PROX2: variants seen among roughly 807,000 people sequenced by gnomAD.
PROX2 encodes the protein prospero homeobox 2, also known as prospero homeobox protein 2.
Under a neutral mutation model 48.9 loss-of-function variants are expected in PROX2, and 46 were observed. The observed-to-expected ratio is 0.94, with a 90% CI of 0.74 to 1.20. The LOEUF (loss-of-function observed/expected upper bound fraction) is 1.20. Ranked by LOEUF, PROX2 falls within the 50% of genes most tolerant of loss-of-function variation. The pLI is 0.00. For synonymous variants in PROX2, 260 were observed against 276.6 expected, an observed-to-expected ratio of 0.94 and a Z score of 0.60; for missense variants, 663 against 719.4, an observed-to-expected ratio of 0.92 and a Z score of 0.90.
In PROX2 at chr14:74,875,973, C is replaced by A. The variant is rs1380982208; in HGVS notation, c.-388G>T. The stretch of plus-strand genomic sequence containing the variant: ...CCAACCACTCTAGAAGACGGAGCAG[C>A]CCACTCTTCACCAGCCCTGGGCAGA... On this transcript the variant is annotated 5_prime_UTR_variant, in exon 1 of 6. Coordinates refer to ENST00000556489, the MANE Select transcript of PROX2 (RefSeq NM_001243007.2). Among the ~76,000 whole-genome samples the A allele has an allele frequency of 1.3e-5, 2 of 152,230 alleles. No individual in the cohort carries two copies. The highest frequency in any genetic ancestry group is 2.9e-5 in the Non-Finnish European group (2 of 68,044).
chr14:74,873,278 C>T (rs778559400), intron 1 of PROX2, among the ~76,000 whole-genome samples: 1 of 152,186 alleles, frequency 6.6e-6, no homozygotes, highest in Non-Finnish European at 1.5e-5. Context: ...TGAGCCACCG[C>T]GCCCAGCCCT....
chr14:74,858,842 T>TTTTG (rs1491205215), intron 3 of PROX2: 10,172 of 162,018 alleles, frequency 0.063, 967 homozygotes, highest in South Asian at 0.1. Flanking sequence ...GGTTGGTGTA[T>TTTTG]TGTGTGTGTG....
chr14:74,868,312 ATTATATATAT>A (rs1271547568), intron 2 of PROX2, among the ~76,000 whole-genome samples: 2 of 56,600 alleles, frequency 3.5e-5, no homozygotes, highest in African/African-American at 6.0e-5. Context: ...ATTTCTCGTA[ATTATATATAT>A]ATATATATAT....
At chr14:74,865,829 T>TA (rs538276669) in intron 2 of PROX2, among the ~76,000 whole-genome samples, 18 of 151,854 alleles carry the variant, frequency 1.2e-4, no homozygotes, top group East Asian at 2.0e-4. Context: ...AGACTCTGTC[T>TA]AAAAAAAATC....
intron 2 of PROX2, among the ~76,000 whole-genome samples, chr14:74,870,198 G>T (rs1883175132): frequency 6.6e-6 from 1 of 151,844 alleles, no homozygotes; most frequent in Admixed American, 6.6e-5. Context: ...AGGCTAAGGT[G>T]GGAGGATTGC....
Position 74,856,985 on chromosome 14 carries a change from C to T in PROX2, c.1424G>A (p.Cys475Tyr). ...VYFPDVQFNR[C>Y]ITSQMIKWFS... Reference sequence around the variant, plus strand: ...CCACTTGATCATCTGGGAGGTAATGCAGCGGTTGAACTGTACAAACAAGAG... The same window carrying T: ...CCACTTGATCATCTGGGAGGTAATGTAGCGGTTGAACTGTACAAACAAGAG... The change falls in exon 5 of 6, where the codon TGC becomes TAC. Residue 475 changes from cysteine (C) to tyrosine (Y), a missense_variant. Cys to Tyr is a radical substitution (Grantham distance 194, BLOSUM62 -2). Coordinates refer to ENST00000556489, the MANE Select transcript of PROX2 (RefSeq NM_001243007.2). 6.2e-7 allele frequency: 1 copy of T among 1,613,854 alleles called. No homozygotes were observed.
At chr14:74,875,495 G>A (rs183251128) in intron 1 of PROX2, among the ~76,000 whole-genome samples, 8 of 152,332 alleles carry the variant, frequency 5.3e-5, no homozygotes, top group Admixed American at 3.9e-4. Context: ...TGGGAGTTAG[G>A]AGGTCTGGGC....
In PROX2 at chr14:74,855,205, G is replaced by T; in HGVS notation, c.1706C>A (p.Pro569His). 1.3e-6 allele frequency: 2 copies of T among 1,593,380 alleles called. No homozygotes were observed. Among genetic ancestry groups the T allele is most frequent in the South Asian group, 1.1e-5 (1 of 87,310 alleles). Residue 569 changes from proline (P) to histidine (H), a missense_variant, in exon 6 of 6, where the codon CCC becomes CAC. Transcript: ENST00000556489. ...GRDSDPSWKK[P>H]IYKIISKLDS... Reference sequence around the variant, plus strand: ...CAGTTTCGAAATAATTTTATAAATGGGTTTCTTCCAGGAAGGATCTGAGTC... The same window carrying T: ...CAGTTTCGAAATAATTTTATAAATGTGTTTCTTCCAGGAAGGATCTGAGTC...
chr14:74,854,574 T>G lies in PROX2; in HGVS notation c.*558A>C, dbSNP rs916561866. Reference sequence around the variant, plus strand: ...AGTTACCTTGCAGTTCTAAAGCTTCTGTTTGGTCATCTTTTAAATGATGAT... The same window carrying G: ...AGTTACCTTGCAGTTCTAAAGCTTCGGTTTGGTCATCTTTTAAATGATGAT... On this transcript the variant is annotated 3_prime_UTR_variant, in exon 6 of 6. Transcript: ENST00000556489. The G allele has an allele frequency of 3.3e-5, 5 of 153,800 alleles. No homozygotes were observed. The highest frequency in any genetic ancestry group is 1.2e-4 in the African/African-American group (5 of 41,474). The allele number at this position is 153,800 out of a possible 1,614,324, so 9.5% of individuals were successfully genotyped here.
chr14:74,858,778 T>TGTG lies in PROX2; in HGVS notation c.1306-265_1306-264insCAC, dbSNP rs147024588. On this transcript the variant is annotated intron_variant, in intron 3 of 5. Coordinates refer to ENST00000556489, the MANE Select transcript of PROX2 (RefSeq NM_001243007.2). ...GATGTCAAATACAGGTTGGTGTATTTTGTGTGTGTGTGTGTGTGTGTGTGT... is the reference window on the plus strand; with the variant it reads ...GATGTCAAATACAGGTTGGTGTATTTGTGTGTGTGTGTGTGTGTGTGTGTGTGT... The TGTG allele has an allele frequency of 1.9e-4, 40 of 214,546 alleles. 2 individuals are homozygous for TGTG. The South Asian group carries it at 2.0e-3, about 11-fold the overall frequency. 13.3% of individuals were successfully genotyped at this position (214,546 alleles called of 1,614,324 possible). A position where few individuals can be genotyped will look rare whatever the true frequency, so the allele number is the denominator to read the frequency against.
chr14:74,855,587 G>C, intron 5 of PROX2: 1 of 282,244 alleles, frequency 3.5e-6, no homozygotes, highest in Non-Finnish European at 6.5e-6. Flanking sequence ...TAACTAAGCA[G>C]GTCAGAAAAT....
Position 74,863,423 on chromosome 14 carries a change from G to A in PROX2, c.412C>T (p.Leu138=), listed in dbSNP as rs2091815609. 1.2e-6 allele frequency: 2 copies of A among 1,613,560 alleles called. No homozygotes were observed. Among genetic ancestry groups the A allele is most frequent in the Non-Finnish European group, 1.7e-6 (2 of 1,179,636 alleles). ...AGATGTCTTAGCTGTTGCTTCAGCA[G>A]ATGAAGTTGTTCTCTCACACGAGGG... The part of the protein sequence containing the change: ...GGPRVREQLH[L]LKQQLRHLQE... The change falls in exon 3 of 6, where the codon CTG becomes TTG. Residue 138 remains leucine (L), a synonymous_variant. Coordinates refer to ENST00000556489, the MANE Select transcript of PROX2 (RefSeq NM_001243007.2).
Position 74,855,206 on chromosome 14 carries a change from G to T in PROX2, c.1705C>A (p.Pro569Thr). Residue 569 changes from proline (P) to threonine (T), a missense_variant, in exon 6 of 6, where the codon CCC becomes ACC. Physicochemically the swap from Pro to Thr is conservative, Grantham distance 38. Transcript: ENST00000556489. ...AGTTTCGAAATAATTTTATAAATGGGTTTCTTCCAGGAAGGATCTGAGTCT... is the reference window on the plus strand; with the variant it reads ...AGTTTCGAAATAATTTTATAAATGGTTTTCTTCCAGGAAGGATCTGAGTCT... ...GRDSDPSWKKPIYKIISKLDS... is the reference protein window; with the variant it reads ...GRDSDPSWKKTIYKIISKLDS... 6.3e-7 allele frequency: 1 copy of T among 1,593,460 alleles called. No homozygotes were observed. The highest frequency in any genetic ancestry group is 2.3e-5 in the East Asian group (1 of 44,438).
chr14:74,861,158 C>G, intron 3 of PROX2: 2 of 1,308,446 alleles, frequency 1.5e-6, no homozygotes, highest in Non-Finnish European at 2.0e-6. Context: ...TGGTCCCACC[C>G]CATCCTGCTG....
chr14:74,861,267 C>T (rs1371989792), intron 3 of PROX2: 2 of 1,336,004 alleles, frequency 1.5e-6, no homozygotes, highest in Admixed American at 1.9e-5. Flanking sequence ...CAAAGCTGCA[C>T]ACAAGAAGCA....
intron 2 of PROX2, among the ~76,000 whole-genome samples, chr14:74,867,243 C>T (rs977639283): frequency 4.6e-5 from 7 of 152,228 alleles, no homozygotes; most frequent in African/African-American, 1.7e-4. Context: ...TGGTCTCGAT[C>T]TAACTCCTTT....
rs1370776076 is a variant in PROX2 at position 74,853,354 on chromosome 14, G to A, written c.*1778C>T. 2.0e-5 allele frequency: 3 copies of A among 152,198 alleles called. No individual in the cohort carries two copies. Among genetic ancestry groups the A allele is most frequent in the Non-Finnish European group, 4.4e-5 (3 of 68,040 alleles). The allele number at this position is 152,198 out of a possible 1,614,324, so 9.4% of individuals were successfully genotyped here. A position where few individuals can be genotyped will look rare whatever the true frequency, so the allele number is the denominator to read the frequency against. ...CTACTATGTCCGGACACAGAAAACT[G>A]ATTGCCCTTGCTCAGAGCACTCCAT... On this transcript the variant is annotated 3_prime_UTR_variant, in exon 6 of 6. Transcript: ENST00000556489.
chr14:74,859,509 G>A (rs1429251623), intron 3 of PROX2: 1 of 152,176 alleles, frequency 6.6e-6, no homozygotes, highest in African/African-American at 2.4e-5. Context: ...CCTCACTCTG[G>A]GAACAGACAG....
At chr14:74,873,481 CA>C (rs1316792908) in intron 1 of PROX2, among the ~76,000 whole-genome samples, 1 of 152,112 alleles carries the variant, frequency 6.6e-6, no homozygotes, top group East Asian at 1.9e-4. Flanking sequence ...AGGGGGGGTT[CA>C]GGAGCCCCCA....
Sources: gnomAD v4.1 joint callset for allele counts (sites outside exome capture counted in the v4.1 genomes callset) on GRCh38, gnomAD v4.1.1 for gene constraint, MANE v1.5 for transcripts, NCBI Gene and HGNC (gene_info 2026-07-23, HGNC 2026-07-21) for gene names.